Variants in ZDHHC2 observed in about 807,000 individuals in gnomAD.
The protein encoded by ZDHHC2 is zDHHC palmitoyltransferase 2, also known as palmitoyltransferase ZDHHC2.
In ZDHHC2, 51 loss-of-function variants were observed where a neutral mutation model predicts 55.6. The ratio of observed to expected loss-of-function variants is 0.92; its 90% CI spans 0.73 to 1.16. The LOEUF is 1.16. Among genes scored for constraint, ZDHHC2 ranks in the 50% most tolerant of loss-of-function variants. The pLI is 0.00. For synonymous variants in ZDHHC2, 199 were observed against 152.9 expected (o/e 1.30, Z -2.22); for missense variants, 491 against 442.4 (o/e 1.11, Z -0.99).
intron 1 of ZDHHC2, among the ~76,000 whole-genome samples, chr8:17,172,021 C>A (rs1247602532): frequency 1.3e-5 from 2 of 151,936 alleles, no homozygotes; most frequent in African/African-American, 4.8e-5. Context: ...TGATCAGCTA[C>A]TGTGGCGAAC....
intron 8 of ZDHHC2, among the ~76,000 whole-genome samples, chr8:17,208,762 A>T (rs1807230142): frequency 6.6e-6 from 1 of 152,212 alleles, no homozygotes; most frequent in African/African-American, 2.4e-5. Context: ...CAGGAATTTT[A>T]TTTCAAATTA....
At chr8:17,206,833 T>C (rs985481177) in intron 7 of ZDHHC2, among the ~76,000 whole-genome samples, 1 of 152,218 alleles carries the variant, frequency 6.6e-6, no homozygotes, top group African/African-American at 2.4e-5. Flanking sequence ...GGTAAGAATT[T>C]CTAAATTGCT....
At chr8:17,169,206 T>C (rs940587851) in intron 1 of ZDHHC2, among the ~76,000 whole-genome samples, 13 of 151,612 alleles carry the variant, frequency 8.6e-5, no homozygotes. Flanking sequence ...GAGGTATCCA[T>C]GAGATGTATC....
intron 1 of ZDHHC2, among the ~76,000 whole-genome samples, chr8:17,177,103 C>A (rs1053988599): frequency 2.4e-4 from 37 of 152,170 alleles, no homozygotes; most frequent in African/African-American, 8.2e-4. Context: ...AGGGGTTCCC[C>A]TGGCCAATTT....
In ZDHHC2 at chr8:17,195,609, A is replaced by T. The variant is rs956300909; in HGVS notation, c.358A>T (p.Arg120Trp). The change falls in exon 4 of 13, where the codon AGG (arginine) becomes TGG (tryptophan). Residue 120 changes from arginine (R) to tryptophan (W), a missense_variant. Arg to Trp is a moderately radical substitution (Grantham distance 101). Transcript: ENST00000262096. ...RAAKDLPIYT[R>W]TMSGAIRYCD... is the part of the protein sequence containing the mutation. ...AGCCAAGGATCTTCCCATCTATACC[A>T]GGACCATGTCTGGAGGTAAATGTTG... 1 of 1,613,802 alleles carries T rather than the reference A, an allele frequency of 6.2e-7. No homozygotes were observed. Among genetic ancestry groups the T allele is most frequent in the Non-Finnish European group, 8.5e-7 (1 of 1,179,812 alleles).
chr8:17,160,813 C>T (rs1804305313), intron 1 of ZDHHC2, among the ~76,000 whole-genome samples: 1 of 152,202 alleles, frequency 6.6e-6, no homozygotes, highest in African/African-American at 2.4e-5. Flanking sequence ...ACTCTGCTAT[C>T]TTAGAGAGCG....
At chr8:17,181,574 A>G (rs759126826) in intron 1 of ZDHHC2, among the ~76,000 whole-genome samples, 9 of 152,320 alleles carry the variant, frequency 5.9e-5, no homozygotes, top group Admixed American at 2.6e-4. Context: ...AAATTTCTCT[A>G]TGGTAAAAAT....
chr8:17,164,370 G>T (rs1209791779), intron 1 of ZDHHC2, among the ~76,000 whole-genome samples: 3 of 152,194 alleles, frequency 2.0e-5, no homozygotes, highest in East Asian at 3.9e-4. Context: ...TTATTGATTG[G>T]ATTACATTTT....
chr8:17,178,814 A>T (rs1156901376), intron 1 of ZDHHC2, among the ~76,000 whole-genome samples: 1 of 152,162 alleles, frequency 6.6e-6, no homozygotes, highest in Non-Finnish European at 1.5e-5. Context: ...CTTCAATTTT[A>T]CCTGTTTTAT....
chr8:17,168,233 A>G (rs1449075841), intron 1 of ZDHHC2, among the ~76,000 whole-genome samples: 2 of 152,192 alleles, frequency 1.3e-5, no homozygotes, highest in African/African-American at 4.8e-5. Flanking sequence ...AAGCACTGAG[A>G]ATCTGGGGAA....
chr8:17,197,978 CGTT>C (rs1305452435), intron 5 of ZDHHC2, among the ~76,000 whole-genome samples: 3 of 152,128 alleles, frequency 2.0e-5, no homozygotes, highest in South Asian at 2.1e-4. Context: ...GACAGTCAGA[CGTT>C]GTTATATATT....
intron 7 of ZDHHC2, among the ~76,000 whole-genome samples, chr8:17,206,061 T>C (rs1040645069): frequency 6.6e-6 from 1 of 152,224 alleles, no homozygotes; most frequent in African/African-American, 2.4e-5. Flanking sequence ...ACGATGCTTT[T>C]GCCTTCTTGC....
chr8:17,171,867 C>T (rs1563142794), intron 1 of ZDHHC2, among the ~76,000 whole-genome samples: 2 of 151,568 alleles, frequency 1.3e-5, no homozygotes, highest in African/African-American at 4.9e-5. Flanking sequence ...CCTTTAATCA[C>T]CTAGCCTTGT....
chr8:17,187,342 C>A (rs1805764625), intron 3 of ZDHHC2, among the ~76,000 whole-genome samples: 1 of 152,034 alleles, frequency 6.6e-6, no homozygotes, highest in African/African-American at 2.4e-5. Flanking sequence ...TGGCGTATAG[C>A]CCAGTACATT....
intron 1 of ZDHHC2, among the ~76,000 whole-genome samples, chr8:17,168,896 C>T (rs989169413): frequency 4.6e-5 from 7 of 152,066 alleles, no homozygotes; most frequent in African/African-American, 1.7e-4. Context: ...AATAATATTT[C>T]GTGGCATGTA....
At chr8:17,209,250 T>A (rs1002872451) in intron 8 of ZDHHC2, among the ~76,000 whole-genome samples, 1 of 152,116 alleles carries the variant, frequency 6.6e-6, no homozygotes, top group Non-Finnish European at 1.5e-5. Flanking sequence ...CTGGACTGGA[T>A]CCCGGTTTGG....
chr8:17,163,789 T>C (rs1304178763), intron 1 of ZDHHC2, among the ~76,000 whole-genome samples: 2 of 152,198 alleles, frequency 1.3e-5, no homozygotes, highest in African/African-American at 2.4e-5. Flanking sequence ...GGGAAAACAA[T>C]ATTCTAAAGA....
At chr8:17,187,595 A>G (rs541791487) in intron 3 of ZDHHC2, among the ~76,000 whole-genome samples, 1 of 152,120 alleles carries the variant, frequency 6.6e-6, no homozygotes, top group Non-Finnish European at 1.5e-5. Context: ...TTTTTCTTCT[A>G]TTCTCCACTT....
chr8:17,181,786 C>T lies in ZDHHC2; in HGVS notation c.131-3003C>T, dbSNP rs571555612. Among the ~76,000 whole-genome samples, 9 of 152,000 alleles carry T rather than the reference C, an allele frequency of 5.9e-5. 1 individual carries two copies. The highest frequency in any genetic ancestry group is 1.9e-4 in the African/African-American group (8 of 41,494). On this transcript the variant is annotated intron_variant, in intron 1 of 12. Coordinates refer to ENST00000262096, the MANE Select transcript of ZDHHC2 (RefSeq NM_016353.5). ...AAATAATCAAATTATATTTGATTAC[C>T]ATCTATATTGTTTCAAAAATGAGTC... is the stretch of plus-strand genomic sequence containing the variant.
Sources: allele counts gnomAD v4.1 joint callset (sites outside exome capture counted in the v4.1 genomes callset), GRCh38; gene constraint gnomAD v4.1.1; transcripts MANE v1.5; gene names NCBI Gene and HGNC (gene_info 2026-07-23, HGNC 2026-07-21).